CACNA1C: variants seen among roughly 807,000 people sequenced by gnomAD.
The protein encoded by CACNA1C is voltage-dependent L-type calcium channel subunit alpha-1C.
A neutral mutation model predicts 229.0 loss-of-function variants in CACNA1C; 30 were observed. The ratio of observed to expected loss-of-function variants is 0.13; its 90% CI spans 0.10 to 0.18. The LOEUF is 0.18. CACNA1C is among the 10% of genes least tolerant of loss of function. The probability of loss-of-function intolerance (pLI) is 1.00; values close to 1 mark genes in which losing one functional copy is unlikely to be tolerated. For synonymous variants in CACNA1C, 1,114 were observed against 1,132.5 expected (o/e 0.98, Z 0.33); for missense variants, 1,658 against 2,845.0 (o/e 0.58, Z 9.49).
chr12:2,233,307 T>C (rs2066029452), intron 3 of CACNA1C, among the ~76,000 whole-genome samples: 1 of 152,268 alleles, frequency 6.6e-6, no homozygotes, highest in Non-Finnish European at 1.5e-5. Context: ...ATTAAAGTTA[T>C]GAATCAGTGT....
intron 1 of CACNA1C, among the ~76,000 whole-genome samples, chr12:2,036,093 C>G (rs1344584820): frequency 6.6e-6 from 1 of 152,192 alleles, no homozygotes; most frequent in Non-Finnish European, 1.5e-5. Flanking sequence ...AAGGACTTCT[C>G]AAATGTCATA....
intron 5 of CACNA1C, among the ~76,000 whole-genome samples, chr12:2,481,477 A>G (rs1274649121): frequency 6.6e-6 from 1 of 152,218 alleles, no homozygotes; most frequent in Non-Finnish European, 1.5e-5. Flanking sequence ...TAAGAGGAAG[A>G]AAGGAAATCC....
chr12:2,684,911 CAG>C (rs2097364591), intron 43 of CACNA1C, among the ~76,000 whole-genome samples: 1 of 152,172 alleles, frequency 6.6e-6, no homozygotes, highest in Non-Finnish European at 1.5e-5. Context: ...GAGTCACCCT[CAG>C]AGGTGTGGGG....
chr12:2,573,124 A>G (rs2057053049), intron 13 of CACNA1C, among the ~76,000 whole-genome samples: 1 of 151,900 alleles, frequency 6.6e-6, no homozygotes, highest in African/African-American at 2.4e-5. Flanking sequence ...ATCATAGCTC[A>G]CTGTAGCCTC....
chr12:2,452,922 G>A (rs1458555533), intron 4 of CACNA1C, among the ~76,000 whole-genome samples: 4 of 152,176 alleles, frequency 2.6e-5, no homozygotes, highest in Non-Finnish European at 4.4e-5. Context: ...GGCTTCAGTG[G>A]AAAGAACATT....
chr12:2,671,890 C>T (rs1456787980), intron 38 of CACNA1C, among the ~76,000 whole-genome samples: 1 of 150,260 alleles, frequency 6.7e-6, no homozygotes, highest in Admixed American at 6.7e-5. Context: ...CTTCATCAGA[C>T]ATGGGCCCTC....
At chr12:2,686,413 C>T in intron 45 of CACNA1C, 144 bp downstream of exon 45, 3 of 753,844 alleles carry the variant, frequency 4.0e-6, no homozygotes, top group East Asian at 5.1e-5. Flanking sequence ...AGAGCCATCC[C>T]TGTAGGGCTT....
In CACNA1C at chr12:2,479,973, G is replaced by A. The variant is rs912949084; in HGVS notation, c.758-6131G>A. Among the ~76,000 whole-genome samples the A allele has an allele frequency of 1.3e-5, 2 of 152,188 alleles. No homozygotes were observed. Among genetic ancestry groups the A allele is most frequent in the Non-Finnish European group, 2.9e-5 (2 of 68,044 alleles). On this transcript the variant is annotated intron_variant, in intron 5 of 46. Coordinates refer to ENST00000399655, the MANE Select transcript of CACNA1C (RefSeq NM_000719.7). The surrounding 1 kb of genome is among the most constrained non-coding windows in gnomAD (Gnocchi z 4.3). ...CAGAGTAGAGGACCCCTGGCCTAAT[G>A]CTGTCCTTCCCCTGCCCCTCTGTGG...
rs1235920659 is a variant in CACNA1C at position 2,450,354 on chromosome 12, A to G, written c.617+1239A>G. Among the ~76,000 whole-genome samples, 3 of 151,854 alleles carry G rather than the reference A, an allele frequency of 2.0e-5. No homozygotes were observed. In the South Asian group the frequency reaches 6.3e-4, roughly 32 times the overall value. On this transcript the variant is annotated intron_variant, in intron 4 of 46. Transcript: ENST00000399655. ...CGGATCACGAGGTCAGGAGATCGAGACCATCCTGGCTAACACGGTGAAACC... is the reference window on the plus strand; with the variant it reads ...CGGATCACGAGGTCAGGAGATCGAGGCCATCCTGGCTAACACGGTGAAACC...
chr12:2,025,253 C>T (rs958185336), intron 1 of CACNA1C, among the ~76,000 whole-genome samples: 1 of 152,208 alleles, frequency 6.6e-6, no homozygotes, highest in African/African-American at 2.4e-5. Flanking sequence ...TGTGCAGAGA[C>T]ATGTTCCATG....
chr12:2,616,968 G>A (rs1396990618), intron 29 of CACNA1C, among the ~76,000 whole-genome samples: 1 of 152,260 alleles, frequency 6.6e-6, no homozygotes, highest in Non-Finnish European at 1.5e-5. Context: ...CACAAAGGAC[G>A]TGGCTGGCAT....
intron 32 of CACNA1C, among the ~76,000 whole-genome samples, chr12:2,652,247 C>T (rs994887103): frequency 1.3e-5 from 2 of 152,172 alleles, no homozygotes; most frequent in Admixed American, 6.5e-5. Flanking sequence ...CGGCCAGAGT[C>T]GCAGGACCCT....
rs1060503447 is a variant in CACNA1C, at chr12:2,584,611, T to C, written c.2333T>C (p.Leu778Pro). The C allele has an allele frequency of 1.2e-6, 2 of 1,610,170 alleles. No individual in the cohort carries two copies. The highest frequency in any genetic ancestry group is 1.7e-6 in the Non-Finnish European group (2 of 1,176,940). ...GAAGAGGAGAAGGAGAGAAAGAAGC[T>C]GGCCAGGTAACCCTCTAAGCTTGCC... is the stretch of plus-strand genomic sequence containing the variant. ...EEEEEKERKK[L>P]ARTASPEKKQ... Residue 778 changes from leucine to proline, a missense_variant, in exon 16 of 47, where the codon CTG (leucine) becomes CCG (proline). By Grantham distance (98) the Leu-to-Pro change is moderately conservative. Transcript: ENST00000399655.
At chr12:2,014,084 C>T (rs2044896220) in intron 1 of CACNA1C, among the ~76,000 whole-genome samples, 1 of 152,132 alleles carries the variant, frequency 6.6e-6, no homozygotes, top group African/African-American at 2.4e-5. Flanking sequence ...TATGGAGACT[C>T]CTAGGAGCAG....
rs751966602 is a variant in CACNA1C, at chr12:2,605,806, G to A, written c.3156+20G>A. The A allele has an allele frequency of 1.3e-6, 2 of 1,510,636 alleles. No individual in the cohort carries two copies. Among genetic ancestry groups the A allele is most frequent in the South Asian group, 2.2e-5 (2 of 89,100 alleles). 93.6% of individuals were successfully genotyped at this position (1,510,636 alleles called of 1,614,324 possible). On this transcript the variant is annotated intron_variant, in intron 24 of 46. Coordinates refer to ENST00000399655, the MANE Select transcript of CACNA1C (RefSeq NM_000719.7). The surrounding 1 kb of genome is among the most constrained non-coding windows in gnomAD (Gnocchi z 6.2). ...TTCAAGGTAAAGTCTGGGCTCCGTT[G>A]TGGTCCTCCTACCTCCCCTCCCATC...
intron 45 of CACNA1C, 101 bp from the exon 46 acceptor site, chr12:2,688,346 C>A: frequency 9.2e-7 from 1 of 1,090,428 alleles, no homozygotes; most frequent in Non-Finnish European, 1.4e-6. Flanking sequence ...GTGGAGCTAG[C>A]TGGACACAGC....
chr12:2,234,135 C>T (rs756187814), intron 3 of CACNA1C, among the ~76,000 whole-genome samples: 4 of 152,174 alleles, frequency 2.6e-5, no homozygotes, highest in Non-Finnish European at 2.9e-5. Context: ...TTCTGCTGGA[C>T]GATGCAGCCT....
In CACNA1C at chr12:2,518,022, A is replaced by G. The variant is rs888912888; in HGVS notation, c.1390+5038A>G. Among the ~76,000 whole-genome samples, 3 of 152,346 alleles carry G rather than the reference A, an allele frequency of 2.0e-5. 1 individual carries two copies. ...AACAGACAGACAGACAGTGGAACCA[A>G]AATATTGAATTTCCATGCAGATAAG... On this transcript the variant is annotated intron_variant, in intron 9 of 46. Transcript: ENST00000399655.
intron 3 of CACNA1C, among the ~76,000 whole-genome samples, chr12:2,179,992 T>C (rs1598296682): frequency 6.6e-6 from 1 of 152,226 alleles, no homozygotes; most frequent in East Asian, 1.9e-4. Context: ...CTCAAGGCCC[T>C]TCCTTCTCCA....
Sources: gnomAD v4.1 joint callset for allele counts (sites outside exome capture counted in the v4.1 genomes callset) on GRCh38, gnomAD v4.1.1 for gene constraint, Gnocchi (gnomAD v3.1) non-coding constraint, MANE v1.5 for transcripts, NCBI Gene and HGNC (gene_info 2026-07-23, HGNC 2026-07-21) for gene names.